CHST11: variants seen among roughly 807,000 people sequenced by gnomAD.
CHST11 encodes the protein C4S-1.
CHST11 carries 9 observed loss-of-function variants against 30.4 expected under a neutral mutation model. The observed-to-expected ratio is 0.30, with a 90% CI of 0.18 to 0.52. The LOEUF is 0.52. Ranked by LOEUF, CHST11 falls within the 20% of genes least tolerant of loss-of-function variation. CHST11 has a pLI of 0.97. For missense variants in CHST11, 348 were observed against 460.6 expected (o/e 0.76, Z 2.24); for synonymous variants, 152 against 187.8 (o/e 0.81, Z 1.56).
At chr12:104,631,349 G>GT (rs2039268126) in intron 2 of CHST11, among the ~76,000 whole-genome samples, 1 of 152,196 alleles carries the variant, frequency 6.6e-6, no homozygotes. Flanking sequence ...ATTGACGGTG[G>GT]TAGCGGACCC....
chr12:104,754,699 G>A (rs1365530010), intron 2 of CHST11, among the ~76,000 whole-genome samples: 1 of 152,182 alleles, frequency 6.6e-6, no homozygotes, highest in Non-Finnish European at 1.5e-5. Context: ...AAAGGGGAAT[G>A]CACATCGGGG....
intron 2 of CHST11, among the ~76,000 whole-genome samples, chr12:104,742,551 G>T (rs1365186464): frequency 6.6e-6 from 1 of 152,188 alleles, no homozygotes; most frequent in Non-Finnish European, 1.5e-5. Flanking sequence ...CCTCACCGTT[G>T]TTCCTGTTCC....
At chr12:104,645,024 T>C (rs2039412985) in intron 2 of CHST11, among the ~76,000 whole-genome samples, 1 of 152,190 alleles carries the variant, frequency 6.6e-6, no homozygotes, top group Admixed American at 6.5e-5. Flanking sequence ...GATGGCTCAC[T>C]GCAAGCTCTT....
At chr12:104,494,618 C>T (rs936910616) in intron 1 of CHST11, among the ~76,000 whole-genome samples, 10 of 152,140 alleles carry the variant, frequency 6.6e-5, no homozygotes, top group African/African-American at 2.4e-5. Flanking sequence ...TGGGTTCCAG[C>T]GCTTCTCAGA....
At chr12:104,462,162 C>A (rs1593946655) in intron 1 of CHST11, among the ~76,000 whole-genome samples, 2 of 82,980 alleles carry the variant, frequency 2.4e-5, no homozygotes, top group Admixed American at 1.4e-4. Flanking sequence ...AGTTAAACAC[C>A]ATCTCAAAAA....
intron 2 of CHST11, among the ~76,000 whole-genome samples, chr12:104,719,470 G>A (rs1486895720): frequency 6.6e-6 from 1 of 152,188 alleles, no homozygotes; most frequent in Non-Finnish European, 1.5e-5. Flanking sequence ...CTCGTGCACA[G>A]GTGCACGCAC....
At chr12:104,559,783 T>C (rs933231846) in intron 1 of CHST11, among the ~76,000 whole-genome samples, 1 of 151,908 alleles carries the variant, frequency 6.6e-6, no homozygotes, top group Non-Finnish European at 1.5e-5. Flanking sequence ...AATAAACACA[T>C]GCATGGTAAA....
intron 1 of CHST11, among the ~76,000 whole-genome samples, chr12:104,596,640 C>T (rs1398471640): frequency 6.6e-6 from 1 of 152,148 alleles, no homozygotes; most frequent in African/African-American, 2.4e-5. Context: ...CTTCAGTTTT[C>T]TCAAGTGCAA....
chr12:104,646,100 T>C (rs1466531747), intron 2 of CHST11, among the ~76,000 whole-genome samples: 2 of 152,178 alleles, frequency 1.3e-5, no homozygotes, highest in African/African-American at 4.8e-5. Flanking sequence ...AGGTAATGGC[T>C]CCCATGCTGG....
In CHST11 at chr12:104,460,275, C is replaced by T. The variant is rs190652453; in HGVS notation, c.118+2746C>T. Reference sequence around the variant, plus strand: ...ATTTGGAGGCCTCTGGCAGGGGTTCCAGATACCTACATGTGAAATAGAAAA... The same window carrying T: ...ATTTGGAGGCCTCTGGCAGGGGTTCTAGATACCTACATGTGAAATAGAAAA... On this transcript the variant is annotated intron_variant, in intron 1 of 2. Transcript: ENST00000303694. Among the ~76,000 whole-genome samples the T allele has an allele frequency of 2.2e-3, 331 of 152,214 alleles. 3 individuals are homozygous for T. Among genetic ancestry groups the T allele is most frequent in the Admixed American group, 0.019 (289 of 15,286 alleles).
chr12:104,752,570 C>G (rs1281759227), intron 2 of CHST11, among the ~76,000 whole-genome samples: 1 of 152,100 alleles, frequency 6.6e-6, no homozygotes, highest in Non-Finnish European at 1.5e-5. Context: ...CTCTGTCGCC[C>G]AGGCTGGAGT....
chr12:104,518,868 G>A (rs1033591027), intron 1 of CHST11, among the ~76,000 whole-genome samples: 1 of 152,004 alleles, frequency 6.6e-6, no homozygotes, highest in Non-Finnish European at 1.5e-5. Flanking sequence ...GTAATTCTGA[G>A]GTTTATGGTG....
intron 1 of CHST11, among the ~76,000 whole-genome samples, chr12:104,554,553 GT>G (rs1378977830): frequency 6.6e-6 from 1 of 152,210 alleles, no homozygotes; most frequent in Non-Finnish European, 1.5e-5. Context: ...CAAGAGGCAT[GT>G]CCTGGATCAG....
chr12:104,511,007 C>G lies in CHST11; in HGVS notation c.118+53478C>G, dbSNP rs115908469. ...TACTTAAAAAAATAAAAGCCCAAAA[C>G]CTTTTGTTTGAAATGACCATAAATC... On this transcript the variant is annotated intron_variant, in intron 1 of 2. Coordinates refer to ENST00000303694, the MANE Select transcript of CHST11 (RefSeq NM_018413.6). Among the ~76,000 whole-genome samples the G allele has an allele frequency of 6.4e-3, 979 of 152,094 alleles. 10 individuals are homozygous for G. Among genetic ancestry groups the G allele is most frequent in the African/African-American group, 0.022 (922 of 41,492 alleles).
In CHST11 at chr12:104,474,801, C is replaced by T. The variant is rs2037542123; in HGVS notation, c.118+17272C>T. The stretch of plus-strand genomic sequence containing the variant: ...GTTCTTGTCCCAGTTCTTCTGCCCC[C>T]TTTGGGGACCCCACATGTGTTACTA... On this transcript the variant is annotated intron_variant, in intron 1 of 2. Transcript: ENST00000303694. Among the ~76,000 whole-genome samples, 4 of 152,192 alleles carry T rather than the reference C, an allele frequency of 2.6e-5. No homozygotes were observed. In the South Asian group the frequency reaches 8.3e-4, roughly 32 times the overall value.
intron 2 of CHST11, among the ~76,000 whole-genome samples, chr12:104,643,617 A>G (rs1566020211): frequency 7.1e-6 from 1 of 141,472 alleles, no homozygotes; most frequent in Non-Finnish European, 1.5e-5. Flanking sequence ...ACTTAAGAGG[A>G]CATTCAGAGA....
intron 1 of CHST11, among the ~76,000 whole-genome samples, chr12:104,572,775 T>A (rs2038641985): frequency 6.6e-6 from 1 of 152,260 alleles, no homozygotes; most frequent in African/African-American, 2.4e-5. Flanking sequence ...ATGTGTTTGC[T>A]CTTGCTTCTC....
intron 2 of CHST11, among the ~76,000 whole-genome samples, chr12:104,623,662 A>G (rs2039183663): frequency 6.6e-6 from 1 of 152,002 alleles, no homozygotes; most frequent in Non-Finnish European, 1.5e-5. Context: ...GTGAGCCGAG[A>G]TCGCGCCACT....
At chr12:104,704,899 G>A (rs1378828907) in intron 2 of CHST11, among the ~76,000 whole-genome samples, 1 of 152,162 alleles carries the variant, frequency 6.6e-6, no homozygotes, top group Non-Finnish European at 1.5e-5. Flanking sequence ...ACTGAGAGGA[G>A]CGCACCCAGC....
Sources: allele counts gnomAD v4.1 joint callset (sites outside exome capture counted in the v4.1 genomes callset), GRCh38; gene constraint gnomAD v4.1.1; transcripts MANE v1.5; gene names NCBI Gene and HGNC (gene_info 2026-07-23, HGNC 2026-07-21).